The following RLN2 variants were observed in gnomAD, a reference collection of about 807,000 sequenced individuals.
The protein encoded by RLN2 is relaxin 2.
In RLN2, 10 loss-of-function variants were observed where a neutral mutation model predicts 7.3. That is an observed-to-expected ratio of 1.36 (90% confidence interval 0.84 to 2.31). The LOEUF (loss-of-function observed/expected upper bound fraction) is 2.31. RLN2 is among the 30% of genes most tolerant of loss of function. The pLI is 0.00. For missense variants in RLN2, 298 were observed against 217.6 expected, an observed-to-expected ratio of 1.37 and a Z score of -2.32; for synonymous variants, 103 against 82.3, an observed-to-expected ratio of 1.25 and a Z score of -1.36.
chr9:5,332,189 T>C, the RLN2 span, among the ~76,000 whole-genome samples: 1 of 152,076 alleles, frequency 6.6e-6, no homozygotes, highest in African/African-American at 2.4e-5. Flanking sequence ...AAAGTAAGAC[T>C]CACAGTGGTG....
chr9:5,328,825 C>A, the RLN2 span, among the ~76,000 whole-genome samples: 76 of 152,020 alleles, frequency 5.0e-4, 3 homozygotes, highest in African/African-American at 1.4e-3. Flanking sequence ...TCATATCCAG[C>A]CAAACTAAGC....
At chr9:5,333,999 AAGT>A in the RLN2 span, among the ~76,000 whole-genome samples, 1 of 152,048 alleles carries the variant, frequency 6.6e-6, no homozygotes, top group Non-Finnish European at 1.5e-5. Flanking sequence ...TCAATAAACT[AAGT>A]ATTGAAGGAA....
chr9:5,308,095 C>T (rs554959082), upstream of RLN2, among the ~76,000 whole-genome samples: 9 of 151,420 alleles, frequency 5.9e-5, no homozygotes, highest in African/African-American at 2.2e-4. Flanking sequence ...AAGAAGTAAA[C>T]ACTTTTATTC....
At chr9:5,305,064 G>C (rs1816218460), upstream of RLN2, 1 of 159,368 alleles carries the variant, frequency 6.3e-6, no homozygotes, top group African/African-American at 2.4e-5. Context: ...CTTGTAAATT[G>C]GGTTAATTAG....
At chr9:5,311,347 C>T in the RLN2 span, 12 of 415,988 alleles carry the variant, frequency 2.9e-5, no homozygotes, top group East Asian at 6.2e-4. Context: ...ATAAACCTCA[C>T]TGGAACTAAT....
chr9:5,305,934 T>C (rs1437629347), upstream of RLN2, among the ~76,000 whole-genome samples: 1 of 151,970 alleles, frequency 6.6e-6, no homozygotes, highest in African/African-American at 2.4e-5. Flanking sequence ...TCAATGCTTT[T>C]AAATGAGTTT....
chr9:5,318,131 C>G, the RLN2 span, among the ~76,000 whole-genome samples: 4 of 151,920 alleles, frequency 2.6e-5, no homozygotes, highest in Admixed American at 6.6e-5. Context: ...CTTGGCCTCC[C>G]AAAGTACTGG....
the RLN2 span, chr9:5,311,831 T>A: frequency 1.2e-5 from 7 of 602,704 alleles, no homozygotes; most frequent in African/African-American, 5.6e-5. Flanking sequence ...TTTTTTTCTT[T>A]TTTTTTTATT....
chr9:5,306,403 C>G (rs1173052201), upstream of RLN2, among the ~76,000 whole-genome samples: 1 of 151,880 alleles, frequency 6.6e-6, no homozygotes, highest in Non-Finnish European at 1.5e-5. Context: ...TTTATGTTGC[C>G]TACATGGTTT....
At chr9:5,308,932 G>A (rs965960856), upstream of RLN2, among the ~76,000 whole-genome samples, 1 of 152,024 alleles carries the variant, frequency 6.6e-6, no homozygotes, top group Non-Finnish European at 1.5e-5. Flanking sequence ...TGCCTCACAC[G>A]GCCCCTCTTA....
chr9:5,316,350 T>C, the RLN2 span, among the ~76,000 whole-genome samples: 1 of 151,970 alleles, frequency 6.6e-6, no homozygotes, highest in Non-Finnish European at 1.5e-5. Flanking sequence ...TGTACAGGTT[T>C]GTTACATAGG....
At chr9:5,311,412 A>C in the RLN2 span, 2 of 527,250 alleles carry the variant, frequency 3.8e-6, no homozygotes, top group Non-Finnish European at 6.8e-6. Context: ...TTAATACAAG[A>C]ATACAATTTT....
the RLN2 span, among the ~76,000 whole-genome samples, chr9:5,320,567 C>T: frequency 6.6e-6 from 1 of 151,602 alleles, no homozygotes; most frequent in East Asian, 1.9e-4. Flanking sequence ...GATGGAGTTT[C>T]ACCATGTGGG....
In RLN2 at chr9:5,302,047, T is replaced by A. The variant is rs183779809; in HGVS notation, c.212-1603A>T. 6.2e-3 allele frequency among the ~76,000 whole-genome samples: 943 copies of A among 152,316 alleles called. 11 individuals are homozygous for A. The highest frequency in any genetic ancestry group is 0.021 in the African/African-American group (891 of 41,566). On this transcript the variant is annotated intron_variant, in intron 1 of 1. Transcript: ENST00000381627. ...TAAACTTTCTGTAGTTGGGGCCTTATTAAATACTGAAAGAAGCTGATGGTA... is the reference window on the plus strand; with the variant it reads ...TAAACTTTCTGTAGTTGGGGCCTTAATAAATACTGAAAGAAGCTGATGGTA...
At chr9:5,306,264 C>T (rs1418294383), upstream of RLN2, among the ~76,000 whole-genome samples, 2 of 151,620 alleles carry the variant, frequency 1.3e-5, no homozygotes, top group Non-Finnish European at 2.9e-5. Flanking sequence ...TGCACCACCA[C>T]ACCTGGCTAA....
At chr9:5,319,573 G>C in the RLN2 span, among the ~76,000 whole-genome samples, 1 of 151,856 alleles carries the variant, frequency 6.6e-6, no homozygotes, top group African/African-American at 2.4e-5. Flanking sequence ...CTTTTACTAG[G>C]GTTTGGGTAA....
chr9:5,335,732 C>G, the RLN2 span: 1 of 625,952 alleles, frequency 1.6e-6, no homozygotes, highest in South Asian at 2.1e-5. Context: ...AACACAAAAG[C>G]ATCCTAATAT....
At chr9:5,335,502 A>G in the RLN2 span, 2 of 1,613,276 alleles carry the variant, frequency 1.2e-6, no homozygotes, top group Non-Finnish European at 1.7e-6. Flanking sequence ...TGCCTCTCAG[A>G]TAGGGCTGCC....
chr9:5,312,126 T>C, the RLN2 span, among the ~76,000 whole-genome samples: 1 of 151,964 alleles, frequency 6.6e-6, no homozygotes, highest in Non-Finnish European at 1.5e-5. Flanking sequence ...AAAACACCTT[T>C]CCCTTCTAGT....
Sources: allele counts gnomAD v4.1 joint callset (sites outside exome capture counted in the v4.1 genomes callset), GRCh38; gene constraint gnomAD v4.1.1; transcripts MANE v1.5; gene names NCBI Gene and HGNC (gene_info 2026-07-23, HGNC 2026-07-21).